The following PARP1 variants were observed in gnomAD, a reference collection of about 807,000 sequenced individuals.
PARP1 encodes the protein poly(ADP-ribose) polymerase 1.
In PARP1, 44 loss-of-function variants were observed where a neutral mutation model predicts 118.7. The ratio of observed to expected loss-of-function variants is 0.37; its 90% confidence interval spans 0.29 to 0.48. The LOEUF (loss-of-function observed/expected upper bound fraction) is 0.48, where lower values mean the gene tolerates loss of function less well. PARP1 is among the 20% of genes least tolerant of loss of function. The pLI is 0.99. For missense variants in PARP1, 1,100 were observed against 1,272.4 expected, an observed-to-expected ratio of 0.86 and a Z score of 2.06; for synonymous variants, 492 against 483.2, an observed-to-expected ratio of 1.02 and a Z score of -0.24.
intron 19 of PARP1, 109 bp downstream of exon 19, chr1:226,364,893 G>A: frequency 8.2e-7 from 1 of 1,225,268 alleles, no homozygotes; most frequent in South Asian, 1.2e-5. Flanking sequence ...CCAAAGAAAG[G>A]ATGTCTGGCA....
chr1:226,389,724 G>A (rs1279485916), intron 4 of PARP1, among the ~76,000 whole-genome samples: 1 of 152,194 alleles, frequency 6.6e-6, no homozygotes, highest in Non-Finnish European at 1.5e-5. Flanking sequence ...TATGAACTGA[G>A]ATAATGTGTG....
At chr1:226,402,671 C>T (rs1285606041) in intron 1 of PARP1, among the ~76,000 whole-genome samples, 1 of 152,254 alleles carries the variant, frequency 6.6e-6, no homozygotes, top group African/African-American at 2.4e-5. Context: ...TACCACTGAG[C>T]TCTGCCCCAC....
intron 2 of PARP1, among the ~76,000 whole-genome samples, chr1:226,398,527 TAAAA>T (rs59275599): frequency 1.4e-5 from 2 of 138,334 alleles, no homozygotes; most frequent in Non-Finnish European, 3.1e-5. Flanking sequence ...AAGACAGTCT[TAAAA>T]AAAAAAAAAA....
At position 226,384,077 on chromosome 1, in the gene PARP1, G is replaced by A. The variant is rs1214477854; in HGVS notation, c.1012-894C>T. 2.6e-5 allele frequency among the ~76,000 whole-genome samples: 4 copies of A among 152,254 alleles called. No homozygotes were observed. In the East Asian group the frequency reaches 7.7e-4, roughly 29 times the overall value. On this transcript the variant is annotated intron_variant, in intron 7 of 22. Coordinates refer to ENST00000366794, the MANE Select transcript of PARP1 (RefSeq NM_001618.4). ...TATGCCAGAGGTGTGCCAAGGTGAT[G>A]TGAGACAGGGAATGCTAGCATGCAC...
intron 16 of PARP1, 148 bp downstream of exon 16, chr1:226,368,051 G>T: frequency 1.8e-6 from 2 of 1,089,084 alleles, no homozygotes; most frequent in Non-Finnish European, 2.8e-6. Context: ...CATCAATGTG[G>T]GTAGAAACCC....
intron 16 of PARP1, 95 bp from the exon 17 acceptor site, chr1:226,367,703 C>T (rs1576391368): frequency 2.1e-6 from 3 of 1,416,698 alleles, no homozygotes; most frequent in East Asian, 2.3e-5. Context: ...AGAGAAGGTC[C>T]AACACAGTGA....
chr1:226,388,503 G>C (rs572640825), intron 5 of PARP1, among the ~76,000 whole-genome samples, 153 bp downstream of exon 5: 1 of 152,304 alleles, frequency 6.6e-6, no homozygotes, highest in African/African-American at 2.4e-5. Context: ...GGAGGAAAAA[G>C]AATCTGGGGA....
intron 3 of PARP1, among the ~76,000 whole-genome samples, chr1:226,391,004 T>A (rs975407157): frequency 1.3e-5 from 2 of 148,388 alleles, no homozygotes; most frequent in African/African-American, 4.9e-5. Flanking sequence ...GCAGCACTTT[T>A]TTTTTTTTTT....
intron 3 of PARP1, among the ~76,000 whole-genome samples, chr1:226,391,530 C>A (rs1479989691): frequency 1.3e-5 from 2 of 152,190 alleles, no homozygotes; most frequent in Admixed American, 6.5e-5. Flanking sequence ...TAAAGAGGAT[C>A]TTAATGTTTG....
At chr1:226,362,729 G>A (rs951100710) in intron 21 of PARP1, among the ~76,000 whole-genome samples, 7 of 152,194 alleles carry the variant, frequency 4.6e-5, no homozygotes, top group Admixed American at 2.0e-4. Context: ...GGTTAAAGCC[G>A]AAACCCGTGC....
chr1:226,402,158 TCCTGGGA>T (rs1354048942), intron 2 of PARP1, 49 bp downstream of exon 2: 1 of 1,614,136 alleles, frequency 6.2e-7, no homozygotes, highest in East Asian at 2.2e-5. Context: ...GACGAGGCCC[TCCTGGGA>T]GCTTCAGGGT....
chr1:226,365,470 A>G (rs1296011255), intron 18 of PARP1, among the ~76,000 whole-genome samples: 1 of 152,230 alleles, frequency 6.6e-6, no homozygotes, highest in Non-Finnish European at 1.5e-5. Context: ...AACAGAATAA[A>G]AAGCCATCCC....
In PARP1 at chr1:226,402,215, T is replaced by G; in HGVS notation, c.285A>C (p.Thr95=). ...VKKTAEAGGV[T]GKGQDGIGSK... ...CATGCTGCCCCAGTATGTACACACC[T>G]GTCACTCCTCCAGCTTCCGCTGTCT... Residue 95 remains threonine, a splice_region_variant and synonymous_variant, in exon 2 of 23, where the codon ACA becomes ACC. Transcript: ENST00000366794. 3 of 1,614,214 alleles carry G rather than the reference T, an allele frequency of 1.9e-6. No individual in the cohort carries two copies. The highest frequency in any genetic ancestry group is 2.5e-6 in the Non-Finnish European group (3 of 1,180,040).
In PARP1 at chr1:226,402,378, G is replaced by A. The variant is rs768342881; in HGVS notation, c.122C>T (p.Ser41Leu). ...TGGGACTTTTCCATCAAACATGGGCGACTAGAAGGAAGAGAAACAGAGGGA... is the reference window on the plus strand; with the variant it reads ...TGGGACTTTTCCATCAAACATGGGCAACTAGAAGGAAGAGAAACAGAGGGA... ...DSLRMAIMVQ[S>L]PMFDGKVPHW... is the part of the protein sequence containing the mutation. Residue 41 changes from serine (S) to leucine (L), a missense_variant and splice_region_variant, in exon 2 of 23, where the codon TCG (serine) becomes TTG (leucine). Coordinates refer to ENST00000366794, the MANE Select transcript of PARP1 (RefSeq NM_001618.4). The A allele has an allele frequency of 4.3e-6, 7 of 1,612,462 alleles. No individual in the cohort carries two copies. Among genetic ancestry groups the A allele is most frequent in the African/African-American group, 1.3e-5 (1 of 75,062 alleles).
intron 5 of PARP1, among the ~76,000 whole-genome samples, 165 bp from the exon 6 acceptor site, chr1:226,386,607 T>C (rs1181587066): frequency 6.6e-6 from 1 of 152,198 alleles, no homozygotes; most frequent in Non-Finnish European, 1.5e-5. Flanking sequence ...CCAGTCATGC[T>C]CCTGTGGACA....
chr1:226,399,180 C>T (rs1356940982), intron 2 of PARP1, among the ~76,000 whole-genome samples: 1 of 148,360 alleles, frequency 6.7e-6, no homozygotes, highest in Non-Finnish European at 1.5e-5. Flanking sequence ...ACAACCAATT[C>T]TCCTGTCTCG....
At chr1:226,380,467 C>G (rs558263786) in intron 9 of PARP1, among the ~76,000 whole-genome samples, 1 of 152,192 alleles carries the variant, frequency 6.6e-6, no homozygotes, top group Non-Finnish European at 1.5e-5. Context: ...TTCTCTGGTT[C>G]CTGAAGACCT....
chr1:226,367,482 T>C lies in PARP1; in HGVS notation c.2404A>G (p.Lys802Glu), dbSNP rs1664293892. Reference protein sequence around the residue: ...VNYEKLKTDIKVVDRDSEEAE... With the variant: ...VNYEKLKTDIEVVDRDSEEAE... ...TGAGGAAGGCCTGACCCTGTTACCT[T>C]AATGTCAGTTTTGAGCTTCTCATAG... Residue 802 changes from lysine to glutamate, a missense_variant and splice_region_variant, in exon 17 of 23, where the codon AAG becomes GAG. By Grantham distance (56) the Lys-to-Glu change is moderately conservative. Transcript: ENST00000366794. The C allele has an allele frequency of 6.2e-7, 1 of 1,613,944 alleles. No homozygotes were observed. Among genetic ancestry groups the C allele is most frequent in the Non-Finnish European group, 8.5e-7 (1 of 1,179,996 alleles).
chr1:226,399,741 A>G (rs2793658), intron 2 of PARP1, among the ~76,000 whole-genome samples: 27,259 of 152,172 alleles, frequency 0.18, 2,954 homozygotes, highest in East Asian at 0.43. Flanking sequence ...CGATGTGTCA[A>G]TGTAGCTCAT....
Sources: gnomAD v4.1 joint callset for allele counts (sites outside exome capture counted in the v4.1 genomes callset) on GRCh38, gnomAD v4.1.1 for gene constraint, MANE v1.5 for transcripts, NCBI Gene and HGNC (gene_info 2026-07-23, HGNC 2026-07-21) for gene names.